PRH1: variants seen among roughly 807,000 people sequenced by gnomAD.
The protein encoded by PRH1 is proline rich protein HaeIII subfamily 1.
PRH1 carries 7 observed loss-of-function variants against 7.9 expected under a neutral mutation model. That is an observed-to-expected ratio of 0.89 (90% CI 0.50 to 1.67). The LOEUF (loss-of-function observed/expected upper bound fraction) is 1.67, where lower values mean the gene tolerates loss of function less well. Ranked by LOEUF, PRH1 falls within the 40% of genes most tolerant of loss-of-function variation. PRH1 has a pLI of 0.00. For missense variants in PRH1, 109 were observed against 223.6 expected, an observed-to-expected ratio of 0.49 and a Z score of 3.27; for synonymous variants, 45 against 80.8, an observed-to-expected ratio of 0.56 and a Z score of 2.38.
intron 1 of PRH1, among the ~76,000 whole-genome samples, chr12:11,150,776 T>A (rs1027591288): frequency 6.6e-6 from 1 of 152,166 alleles, no homozygotes; most frequent in Admixed American, 6.5e-5. Context: ...CATATGTAAC[T>A]TACCTGCACA....
rs1197924395 is a variant in PRH1 at position 10,986,068 on chromosome 12, T to G, written c.-125-12347A>C. The stretch of plus-strand genomic sequence containing the variant: ...GCAAGATATATGTTTCCAACAGCCT[T>G]GCTAACCATGACAACCGGGTCATTC... On this transcript the variant is annotated intron_variant, in intron 1 of 3. Coordinates refer to the PRH1 transcript ENST00000539853. 4 of 1,613,966 alleles carry G rather than the reference T, an allele frequency of 2.5e-6. No homozygotes were observed. The Admixed American group carries it at 5.0e-5, about 20-fold the overall frequency.
At chr12:11,027,797 G>C (rs1178103149) in intron 1 of PRH1, among the ~76,000 whole-genome samples, 1 of 152,194 alleles carries the variant, frequency 6.6e-6, no homozygotes, top group Non-Finnish European at 1.5e-5. Flanking sequence ...GGAGAGGGGA[G>C]AGCAAATCCC....
chr12:10,946,537 T>G (rs940111079), intron 2 of PRH1, among the ~76,000 whole-genome samples: 1 of 152,238 alleles, frequency 6.6e-6, no homozygotes, highest in Non-Finnish European at 1.5e-5. Flanking sequence ...CTCTCTTTTC[T>G]TCTTAATTAG....
chr12:10,900,302 T>C (rs899357968), intron 2 of PRH1, among the ~76,000 whole-genome samples: 3 of 152,136 alleles, frequency 2.0e-5, no homozygotes, highest in Non-Finnish European at 4.4e-5. Context: ...GAGAAAGGCT[T>C]AGAGACATTG....
intron 1 of PRH1, among the ~76,000 whole-genome samples, chr12:11,024,866 A>T (rs1025689889): frequency 5.3e-5 from 8 of 152,248 alleles, no homozygotes; most frequent in Non-Finnish European, 1.2e-4. Context: ...CCCAAAACAC[A>T]GTTTGACTAA....
chr12:10,983,314 T>G (rs1939446238), intron 1 of PRH1, among the ~76,000 whole-genome samples: 1 of 152,226 alleles, frequency 6.6e-6, no homozygotes, highest in Non-Finnish European at 1.5e-5. Context: ...CAAGACCCTG[T>G]GCAACTGTGA....
At chr12:11,091,115 C>CACACACACACATATATATATATATAT (rs751016037) in intron 1 of PRH1, among the ~76,000 whole-genome samples, 2 of 25,104 alleles carry the variant, frequency 8.0e-5, no homozygotes, top group African/African-American at 1.6e-4. Context: ...CACACACACA[C>CACACACACACATATATATATATATAT]ATATATATAT....
intron 1 of PRH1, among the ~76,000 whole-genome samples, chr12:10,999,097 A>T (rs1469536390): frequency 1.3e-5 from 2 of 152,118 alleles, no homozygotes; most frequent in African/African-American, 2.4e-5. Context: ...ACCAAACCCC[A>T]GCTTAAGAAA....
chr12:10,937,592 C>T (rs892332810), intron 2 of PRH1: 1 of 152,102 alleles, frequency 6.6e-6, no homozygotes, highest in Non-Finnish European at 1.5e-5. Context: ...TTACTTAACA[C>T]TTTGAATGTT....
chr12:11,111,485 A>G (rs1351364211), intron 1 of PRH1, among the ~76,000 whole-genome samples: 1 of 152,240 alleles, frequency 6.6e-6, no homozygotes, highest in Non-Finnish European at 1.5e-5. Flanking sequence ...ATTAGAACTC[A>G]GGATTCAGAA....
chr12:10,922,021 T>C (rs1950052399), intron 2 of PRH1, among the ~76,000 whole-genome samples: 1 of 152,174 alleles, frequency 6.6e-6, no homozygotes, highest in South Asian at 2.1e-4. Flanking sequence ...CCACCTGTCT[T>C]GACCTCCCAA....
intron 1 of PRH1, among the ~76,000 whole-genome samples, chr12:11,009,788 T>C (rs1382957183): frequency 3.9e-5 from 6 of 152,062 alleles, no homozygotes; most frequent in South Asian, 4.1e-4. Flanking sequence ...ATAAGCAGCT[T>C]TGGATCTCAA....
chr12:11,011,266 T>C (rs1941058118), intron 1 of PRH1, among the ~76,000 whole-genome samples: 1 of 152,140 alleles, frequency 6.6e-6, no homozygotes, highest in Admixed American at 6.6e-5. Context: ...GATTTCTGAA[T>C]GTGCAGTAAT....
intron 2 of PRH1, chr12:10,938,842 T>A (rs759127788): frequency 6.2e-7 from 1 of 1,613,596 alleles, no homozygotes; most frequent in East Asian, 2.2e-5. Flanking sequence ...CCCTCCACTT[T>A]AGGTAGAGAA....
chr12:11,102,723 A>G (rs1007824400), intron 1 of PRH1, among the ~76,000 whole-genome samples: 1 of 152,224 alleles, frequency 6.6e-6, no homozygotes, highest in Non-Finnish European at 1.5e-5. Context: ...GCTTCTGCAC[A>G]GCAAAAGAAA....
intron 1 of PRH1, among the ~76,000 whole-genome samples, chr12:11,084,556 C>A (rs1034249632): frequency 1.3e-5 from 2 of 148,986 alleles, no homozygotes; most frequent in Non-Finnish European, 1.5e-5. Context: ...ATTCTAGGAG[C>A]AGTGTATGAA....
At chr12:10,990,343 T>A (rs561194890) in intron 1 of PRH1, among the ~76,000 whole-genome samples, 29 of 152,256 alleles carry the variant, frequency 1.9e-4, no homozygotes, top group Non-Finnish European at 3.8e-4. Context: ...GATTCAGTGA[T>A]GTTTGATGAG....
chr12:11,160,702 T>C (rs1410310624), intron 1 of PRH1, among the ~76,000 whole-genome samples: 1 of 152,106 alleles, frequency 6.6e-6, no homozygotes, highest in Non-Finnish European at 1.5e-5. Flanking sequence ...CTCAAACTCC[T>C]GACCTCGTGA....
chr12:10,955,458 A>G (rs1025740984), intron 2 of PRH1, among the ~76,000 whole-genome samples: 4 of 152,136 alleles, frequency 2.6e-5, no homozygotes, highest in Non-Finnish European at 4.4e-5. Context: ...GTTCGTAGCA[A>G]TAAACACTCA....
Sources: gnomAD v4.1 joint callset for allele counts (sites outside exome capture counted in the v4.1 genomes callset) on GRCh38, gnomAD v4.1.1 for gene constraint, MANE v1.5 for transcripts, NCBI Gene and HGNC (gene_info 2026-07-23, HGNC 2026-07-21) for gene names.